The following OPCML variants were observed in gnomAD, a reference collection of about 807,000 sequenced individuals.
OPCML encodes opioid binding protein/cell adhesion molecule like.
In OPCML, 13 loss-of-function variants were observed where a neutral mutation model predicts 37.8. The observed-to-expected ratio is 0.34, with a 90% confidence interval of 0.22 to 0.55. The LOEUF is 0.55. OPCML is among the 20% of genes least tolerant of loss of function. The pLI is 0.91. For synonymous variants in OPCML, 176 were observed against 168.8 expected (o/e 1.04, Z -0.33); for missense variants, 341 against 435.6 (o/e 0.78, Z 1.93).
At chr11:133,136,549 G>A (rs950916879) in intron 1 of OPCML, among the ~76,000 whole-genome samples, 2 of 152,112 alleles carry the variant, frequency 1.3e-5, no homozygotes, top group African/African-American at 4.8e-5. Context: ...TAATGGGCTG[G>A]GTTGGCTTAC....
chr11:132,775,723 C>A (rs1399702452), intron 2 of OPCML, among the ~76,000 whole-genome samples: 1 of 152,210 alleles, frequency 6.6e-6, no homozygotes, highest in Non-Finnish European at 1.5e-5. Context: ...CCTGCAGAGG[C>A]TCCTAGAAAA....
chr11:133,004,649 A>T, intron 1 of OPCML: 1 of 985,416 alleles, frequency 1.0e-6, no homozygotes, highest in Non-Finnish European at 1.2e-6. Context: ...GCTGCTCGGG[A>T]GGCCAGCTGG....
At chr11:132,556,153 G>C (rs1326077645) in intron 3 of OPCML, among the ~76,000 whole-genome samples, 1 of 152,030 alleles carries the variant, frequency 6.6e-6, no homozygotes, top group African/African-American at 2.4e-5. Flanking sequence ...GTGTTGCCCA[G>C]GCTGGTCTCA....
At chr11:133,440,795 T>C (rs1481333759) in intron 1 of OPCML, among the ~76,000 whole-genome samples, 1 of 122,854 alleles carries the variant, frequency 8.1e-6, no homozygotes, top group African/African-American at 5.0e-5. Flanking sequence ...TGTGTGTGTG[T>C]GTGTGTGAGT....
intron 1 of OPCML, among the ~76,000 whole-genome samples, chr11:133,246,630 G>C (rs528019406): frequency 6.6e-6 from 1 of 152,110 alleles, no homozygotes; most frequent in African/African-American, 2.4e-5. Context: ...AGAGACATCC[G>C]GGGCAAACTC....
At chr11:132,727,446 C>T (rs1453941467) in intron 2 of OPCML, among the ~76,000 whole-genome samples, 1 of 152,188 alleles carries the variant, frequency 6.6e-6, no homozygotes, top group Non-Finnish European at 1.5e-5. Flanking sequence ...CAGGGCTCTC[C>T]TGGGGAGGAA....
intron 3 of OPCML, among the ~76,000 whole-genome samples, chr11:132,640,055 T>G (rs1410489674): frequency 6.6e-6 from 1 of 152,232 alleles, no homozygotes; most frequent in East Asian, 1.9e-4. Flanking sequence ...ACAGCCACAA[T>G]AGGTACTTTG....
intron 2 of OPCML, among the ~76,000 whole-genome samples, chr11:132,829,824 A>G (rs1555195334): frequency 6.6e-6 from 1 of 152,154 alleles, no homozygotes; most frequent in Non-Finnish European, 1.5e-5. Context: ...TATTTTTCTC[A>G]TGTGTTTCTC....
intron 1 of OPCML, among the ~76,000 whole-genome samples, chr11:133,080,885 C>T (rs375675785): frequency 1.3e-5 from 2 of 152,108 alleles, no homozygotes; most frequent in East Asian, 3.9e-4. Context: ...GCTGAGATAT[C>T]GGTGCAGAAC....
chr11:132,694,510 T>C (rs894704124), intron 2 of OPCML, among the ~76,000 whole-genome samples: 2 of 152,152 alleles, frequency 1.3e-5, no homozygotes, highest in Non-Finnish European at 2.9e-5. Flanking sequence ...TCAATGTCTT[T>C]CTCTATAAAT....
intron 1 of OPCML, among the ~76,000 whole-genome samples, chr11:133,451,896 G>T (rs1946587537): frequency 6.6e-6 from 1 of 151,216 alleles, no homozygotes; most frequent in Admixed American, 6.6e-5. Context: ...CTCCTCTGCA[G>T]GGAAGACTAC....
At chr11:133,138,900 A>G (rs1475171018) in intron 1 of OPCML, among the ~76,000 whole-genome samples, 1 of 152,172 alleles carries the variant, frequency 6.6e-6, no homozygotes, top group Non-Finnish European at 1.5e-5. Context: ...TCTATTCTCC[A>G]TTCATAAACC....
chr11:132,610,326 T>C (rs539267754), intron 3 of OPCML, among the ~76,000 whole-genome samples: 1 of 152,314 alleles, frequency 6.6e-6, no homozygotes, highest in Admixed American at 6.5e-5. Context: ...ACTCCTATAA[T>C]ATAAATATCT....
intron 1 of OPCML, chr11:133,026,561 A>C (rs79834917): frequency 0.051 from 49,861 of 984,590 alleles, 2,390 homozygotes; most frequent in East Asian, 0.29. Context: ...AAACACCTAA[A>C]TCTGGTCTAG....
chr11:133,529,604 A>G (rs994995813), intron 1 of OPCML, among the ~76,000 whole-genome samples: 2 of 152,164 alleles, frequency 1.3e-5, no homozygotes, highest in African/African-American at 4.8e-5. Flanking sequence ...CCTTAAAATT[A>G]CTCTGGGATG....
chr11:133,053,432 A>G (rs1948167352), intron 1 of OPCML, among the ~76,000 whole-genome samples: 1 of 152,176 alleles, frequency 6.6e-6, no homozygotes, highest in African/African-American at 2.4e-5. Flanking sequence ...TCTTCGTAAA[A>G]GATCACATAT....
chr11:133,505,937 A>G (rs1163406839), intron 1 of OPCML, among the ~76,000 whole-genome samples: 1 of 152,240 alleles, frequency 6.6e-6, no homozygotes, highest in African/African-American at 2.4e-5. Context: ...CCTATTGGTT[A>G]GAAGTTCGCA....
At chr11:132,835,141 C>T (rs67730417) in intron 2 of OPCML, among the ~76,000 whole-genome samples, 10,178 of 152,220 alleles carry the variant, frequency 0.067, 387 homozygotes, top group Non-Finnish European at 0.076. Context: ...TGACACAAGA[C>T]AGATTTATAA....
At chr11:133,144,672 G>GTA (rs1308737930) in intron 1 of OPCML, among the ~76,000 whole-genome samples, 4 of 152,188 alleles carry the variant, frequency 2.6e-5, no homozygotes, top group Non-Finnish European at 5.9e-5. Flanking sequence ...TCCTATACTT[G>GTA]TATATCCATC....
Sources: allele counts gnomAD v4.1 joint callset (sites outside exome capture counted in the v4.1 genomes callset), GRCh38; gene constraint gnomAD v4.1.1; transcripts MANE v1.5; gene names NCBI Gene and HGNC (gene_info 2026-07-23, HGNC 2026-07-21).